The following WWP1 variants were observed in gnomAD, a reference collection of about 807,000 sequenced individuals.
The protein encoded by WWP1 is NEDD4-like E3 ubiquitin-protein ligase WWP1.
WWP1 carries 49 observed loss-of-function variants against 130.6 expected under a neutral mutation model. That is an observed-to-expected ratio of 0.38 (90% CI 0.30 to 0.48). The LOEUF is 0.48. WWP1 is among the 20% of genes least tolerant of loss of function. The probability of loss-of-function intolerance (pLI) is 0.99; values close to 1 mark genes in which losing one functional copy is unlikely to be tolerated. For synonymous variants in WWP1, 332 were observed against 367.8 expected (o/e 0.90, Z 1.11); for missense variants, 809 against 1,100.6 (o/e 0.74, Z 3.75).
At chr8:86,461,481 T>C (rs776512149) in intron 23 of WWP1, 161 bp downstream of exon 23, 5 of 671,500 alleles carry the variant, frequency 7.4e-6, no homozygotes, top group African/African-American at 1.8e-5. Context: ...TCAAAGCACT[T>C]GTAAGACAAA....
chr8:86,398,331 C>A lies in WWP1; in HGVS notation c.335-11C>A, dbSNP rs1218329086. The A allele has an allele frequency of 1.9e-6, 3 of 1,570,294 alleles. No homozygotes were observed. The highest frequency in any genetic ancestry group is 1.9e-5 in the Admixed American group (1 of 52,694). On this transcript the variant is annotated splice_polypyrimidine_tract_variant and intron_variant, in intron 5 of 24. Coordinates refer to ENST00000517970, the MANE Select transcript of WWP1 (RefSeq NM_007013.4). ...GCAAAAGCTTTTAAATTAGAATATT[C>A]TTCTTTCTAGTGGAAAGAGTGAAAG...
At chr8:86,464,768 C>G (rs1007445294) in intron 24 of WWP1, among the ~76,000 whole-genome samples, 5 of 152,126 alleles carry the variant, frequency 3.3e-5, no homozygotes, top group African/African-American at 1.2e-4. Context: ...CTGCCTTGGC[C>G]TCTGAAAGTG....
At chr8:86,459,023 C>CTTTTTTTTTTTTTTTTTTTTTTTT (rs71275853) in intron 22 of WWP1, among the ~76,000 whole-genome samples, 1 of 84,252 alleles carries the variant, frequency 1.2e-5, no homozygotes, top group African/African-American at 5.3e-5. Flanking sequence ...TTTCTTTTTT[C>CTTTTTTTTTTTTTTTTTTTTTTTT]TTTTTTTTTT....
chr8:86,365,096 A>C (rs902768566), intron 1 of WWP1, among the ~76,000 whole-genome samples: 8 of 152,118 alleles, frequency 5.3e-5, no homozygotes, highest in Non-Finnish European at 1.0e-4. Context: ...AGAAAACAGA[A>C]CCAAAAGGCT....
chr8:86,448,350 GTATA>G lies in WWP1; in HGVS notation c.2133-17_2133-14del. On this transcript the variant is annotated intron_variant, in intron 19 of 24. Transcript: ENST00000517970. ...ATTTTGTTTCATTTTGTTAATTAGT[GTATA>G]TATATTTATTTCACCCAGAGATAAC... 2 of 1,603,078 alleles carry G rather than the reference GTATA, an allele frequency of 1.2e-6. No individual in the cohort carries two copies. Among genetic ancestry groups the G allele is most frequent in the Non-Finnish European group, 1.7e-6 (2 of 1,176,630 alleles).
intron 1 of WWP1, among the ~76,000 whole-genome samples, chr8:86,360,100 T>C (rs969173018): frequency 9.2e-5 from 14 of 151,604 alleles, no homozygotes; most frequent in African/African-American, 2.9e-4. Context: ...AAATATCTTT[T>C]ACGCTTCTGT....
intron 11 of WWP1, 22 bp downstream of exon 11, chr8:86,427,839 G>GT (rs1809718217): frequency 6.4e-7 from 1 of 1,571,596 alleles, no homozygotes; most frequent in Non-Finnish European, 8.7e-7. Context: ...ATTGTAAGAT[G>GT]TTAACATAAC....
Position 86,402,115 on chromosome 8 carries a change from C to T in WWP1, c.636C>T (p.Asn212=), listed in dbSNP as rs200859457. The part of the protein sequence containing the change: ...SCCSYVVNGD[N]TPSSPSQVAA... ...GCTCGTATGTAGTTAATGGAGACAA[C>T]ACACCTTCATCTCCGTCTCAGGTTG... The change falls in exon 8 of 25, where the codon AAC becomes AAT. Residue 212 remains asparagine, a synonymous_variant. Transcript: ENST00000517970. The T allele has an allele frequency of 6.2e-7, 1 of 1,614,046 alleles. No individual in the cohort carries two copies. Among genetic ancestry groups the T allele is most frequent in the East Asian group, 2.2e-5 (1 of 44,866 alleles).
chr8:86,357,823 T>G (rs1394891737), intron 1 of WWP1, among the ~76,000 whole-genome samples: 2 of 152,222 alleles, frequency 1.3e-5, no homozygotes, highest in East Asian at 3.8e-4. Flanking sequence ...AAATAAGTAT[T>G]GGTGGAAGCC....
intron 5 of WWP1, among the ~76,000 whole-genome samples, chr8:86,397,661 A>T (rs549957133): frequency 8.5e-5 from 13 of 152,320 alleles, no homozygotes; most frequent in African/African-American, 3.1e-4. Context: ...ATATCGTTTA[A>T]TGCATAGTCT....
chr8:86,393,736 A>T (rs777451505), intron 5 of WWP1, among the ~76,000 whole-genome samples: 3 of 152,274 alleles, frequency 2.0e-5, no homozygotes, highest in Middle Eastern at 3.4e-3. Flanking sequence ...TGTTTTTCTC[A>T]TACTTTTGAG....
rs2130698341 is a variant in WWP1, at chr8:86,435,583, A to G, written c.1678-50A>G. ...AATAATTTAGTCTTCTCTTTATACA[A>G]TACATATACTATAACTCAGATGATA... On this transcript the variant is annotated intron_variant, in intron 15 of 24. Coordinates refer to ENST00000517970, the MANE Select transcript of WWP1 (RefSeq NM_007013.4). The G allele has an allele frequency of 2.5e-6, 4 of 1,612,034 alleles. No individual in the cohort carries two copies. The South Asian group carries it at 4.4e-5, about 18-fold the overall frequency.
intron 5 of WWP1, among the ~76,000 whole-genome samples, chr8:86,383,175 C>T (rs1278663204): frequency 1.1e-5 from 1 of 88,482 alleles, no homozygotes; most frequent in African/African-American, 5.4e-5. Flanking sequence ...CTCTGCTATG[C>T]CATGGCATTT....
At chr8:86,372,017 ATT>A (rs34458424) in intron 2 of WWP1, among the ~76,000 whole-genome samples, 64 of 70,190 alleles carry the variant, frequency 9.1e-4, no homozygotes, top group East Asian at 7.9e-3. Context: ...TAATTTTTGT[ATT>A]TTTTTTTTTT....
chr8:86,350,966 G>A (rs1298043862), intron 1 of WWP1, among the ~76,000 whole-genome samples: 1 of 152,134 alleles, frequency 6.6e-6, no homozygotes, highest in East Asian at 1.9e-4. Flanking sequence ...AAACTAGATT[G>A]TTCTTCTCTT....
chr8:86,422,040 A>T (rs1194336028), intron 9 of WWP1, among the ~76,000 whole-genome samples: 1 of 152,122 alleles, frequency 6.6e-6, no homozygotes, highest in African/African-American at 2.4e-5. Context: ...AAGCACTCAC[A>T]TTTAAAAACA....
intron 4 of WWP1, 129 bp downstream of exon 4, chr8:86,380,993 G>A: frequency 8.3e-7 from 1 of 1,202,086 alleles, no homozygotes; most frequent in African/African-American, 1.6e-5. Flanking sequence ...ACAATTTAAA[G>A]TATGGAGAAA....
In WWP1 at chr8:86,431,522, G is replaced by A. The variant is rs769716034; in HGVS notation, c.1472+32G>A. 3.7e-6 allele frequency: 6 copies of A among 1,611,698 alleles called. No individual in the cohort carries two copies. In the East Asian group the frequency reaches 1.3e-4, roughly 36 times the overall value. On this transcript the variant is annotated intron_variant, in intron 13 of 24. Coordinates refer to ENST00000517970, the MANE Select transcript of WWP1 (RefSeq NM_007013.4). The stretch of plus-strand genomic sequence containing the variant: ...ATATACAGCAGCCTTAAGTCGTCTT[G>A]CATATATCAGTAGGTAGAACCAACC...
chr8:86,362,173 T>TATATATACTAGGC (rs1197386481), intron 1 of WWP1, among the ~76,000 whole-genome samples: 2 of 113,646 alleles, frequency 1.8e-5, no homozygotes, highest in African/African-American at 7.4e-5. Flanking sequence ...CATATATATA[T>TATATATACTAGGC]ATATATATAT....
Sources: gnomAD v4.1 joint callset for allele counts (sites outside exome capture counted in the v4.1 genomes callset) on GRCh38, gnomAD v4.1.1 for gene constraint, MANE v1.5 for transcripts, NCBI Gene and HGNC (gene_info 2026-07-23, HGNC 2026-07-21) for gene names.